ADAR: variants seen among roughly 807,000 people sequenced by gnomAD.
ADAR encodes the protein adenosine deaminase RNA specific, also known as double-stranded RNA-specific adenosine deaminase.
A neutral mutation model predicts 113.2 loss-of-function variants in ADAR; 41 were observed. The ratio of observed to expected loss-of-function variants is 0.36; its 90% CI spans 0.28 to 0.47. The LOEUF (loss-of-function observed/expected upper bound fraction) is 0.47. Among genes scored for constraint, ADAR ranks in the 20% least tolerant of loss-of-function variants. The pLI is 1.00. For synonymous variants in ADAR, 605 were observed against 572.6 expected (o/e 1.06, Z -0.81); for missense variants, 1,242 against 1,540.9 (o/e 0.81, Z 3.25).
chr1:154,588,095 G>A, intron 11 of ADAR, 30 bp downstream of exon 11: 2 of 1,612,560 alleles, frequency 1.2e-6, no homozygotes, highest in South Asian at 1.1e-5. Flanking sequence ...AGCCTTTTGA[G>A]GAAAGGAGGC....
intron 2 of ADAR, chr1:154,600,590 C>T (rs1697803142): frequency 9.0e-6 from 2 of 222,564 alleles, no homozygotes; most frequent in South Asian, 1.3e-4. Context: ...TCTCCTGTCT[C>T]AGCTTCCTGA....
At position 154,596,984 on chromosome 1, in the gene ADAR, C is replaced by T. The variant is rs922443505; in HGVS notation, c.2091G>A (p.Met697Ile). The change falls in exon 6 of 15, where the codon ATG becomes ATA. Residue 697 changes from methionine (M) to isoleucine (I), a missense_variant. Met to Ile is a conservative substitution (Grantham distance 10). Around this residue, in one of 2 missense-constraint regions of ADAR, gnomAD observed 780 missense variants for 1,057.9 expected, o/e 0.74. Transcript: ENST00000368474. The part of the protein sequence containing the change: ...SMASDNQPEG[M>I]ISESLDNLES... ...CCAAGTTATCAAGTGACTCTGAGAT[C>T]ATACCTTCAGGCTAAAGGAGAATCC... 1.9e-6 allele frequency: 3 copies of T among 1,614,188 alleles called. No individual in the cohort carries two copies. The highest frequency in any genetic ancestry group is 1.3e-5 in the African/African-American group (1 of 75,042).
chr1:154,599,158 A>G (rs899062572), intron 2 of ADAR, among the ~76,000 whole-genome samples: 1 of 152,170 alleles, frequency 6.6e-6, no homozygotes, highest in African/African-American at 2.4e-5. Flanking sequence ...GCTATTTTCT[A>G]CATAACAAGG....
Position 154,584,708 on chromosome 1 carries a change from GAAAA to G in ADAR, c.*94_*97del. The G allele has an allele frequency of 1.8e-6, 2 of 1,099,562 alleles. No homozygotes were observed. Among genetic ancestry groups the G allele is most frequent in the Non-Finnish European group, 2.7e-6 (2 of 743,362 alleles). The allele number at this position is 1,099,562 out of a possible 1,614,324, so 68.1% of individuals were successfully genotyped here. ...ATGGCTTAAAAAGAAAAAAAAAGGA[GAAAA>G]AAAAATCCCCTGACCATGTGATGAG... On this transcript the variant is annotated 3_prime_UTR_variant, in exon 15 of 15. Coordinates refer to ENST00000368474, the MANE Select transcript of ADAR (RefSeq NM_001111.5).
intron 2 of ADAR, among the ~76,000 whole-genome samples, chr1:154,599,958 G>T (rs983238335): frequency 2.6e-5 from 4 of 152,194 alleles, no homozygotes; most frequent in Non-Finnish European, 5.9e-5. Flanking sequence ...ATGCAGAGGG[G>T]GGATTGTGGA....
intron 6 of ADAR, among the ~76,000 whole-genome samples, chr1:154,593,393 G>C (rs545880898): frequency 5.9e-5 from 9 of 152,272 alleles, no homozygotes; most frequent in African/African-American, 2.2e-4. Flanking sequence ...CACCTCCAAT[G>C]GCACATTTCA....
rs1202622283 is a variant in ADAR at position 154,601,982 on chromosome 1, G to A, written c.660C>T (p.Ala220=). 2 of 1,614,064 alleles carry A rather than the reference G, an allele frequency of 1.2e-6. No individual in the cohort carries two copies. The highest frequency in any genetic ancestry group is 1.7e-6 in the Non-Finnish European group (2 of 1,180,018). The change falls in exon 2 of 15, where the codon GCC becomes GCT. Residue 220 remains alanine, a synonymous_variant. Transcript: ENST00000368474. This position sits in a 1 kb window ranked among gnomAD's most constrained non-coding sequence, Gnocchi z 4.7. ...VVRPDGHSQG[A]PNSDPSLEPE... ...GTTCCAAACTCGGGTCTGAGTTTGG[G>A]GCTCCTTGGCTATGACCGTCTGGTC...
intron 1 of ADAR, chr1:154,606,029 G>T: frequency 3.5e-6 from 3 of 848,704 alleles, no homozygotes; most frequent in Non-Finnish European, 4.3e-6. Context: ...CTTGTGAGAC[G>T]GAGTCTCGCT....
upstream of ADAR, chr1:154,608,309 C>CTT: frequency 2.2e-6 from 1 of 462,494 alleles, no homozygotes; most frequent in Non-Finnish European, 3.8e-6. Flanking sequence ...CCCTCCGCTG[C>CTT]ATGAGAACTA....
intron 1 of ADAR, among the ~76,000 whole-genome samples, chr1:154,619,608 G>C (rs991582397): frequency 2.0e-5 from 3 of 152,044 alleles, no homozygotes; most frequent in Non-Finnish European, 2.9e-5. Flanking sequence ...AAAATAAGAA[G>C]AGGAAGGTTA....
At position 154,582,690 on chromosome 1, in the gene ADAR, A is replaced by C. The variant is rs1281251410; in HGVS notation, c.*2116T>G. 2 of 152,422 alleles carry C rather than the reference A, an allele frequency of 1.3e-5. No individual in the cohort carries two copies. Among genetic ancestry groups the C allele is most frequent in the Non-Finnish European group, 2.9e-5 (2 of 68,232 alleles). The allele number at this position is 152,422 out of a possible 1,614,324, so 9.4% of individuals were successfully genotyped here. A position where few individuals can be genotyped will look rare whatever the true frequency, so the allele number is the denominator to read the frequency against. On this transcript the variant is annotated 3_prime_UTR_variant, in exon 15 of 15. Transcript: ENST00000368474. ...TGGCCAGAGCTCTGCTGGAGAACCT[A>C]ATGCCCAAGATGGACCAGAGAGGCC...
At position 154,596,790 on chromosome 1, in the gene ADAR, G is replaced by T; in HGVS notation, c.2270+15C>A. ...AACTGGTGACACATGCATTAGCCAG[G>T]ACTAGGACACTCACTTGGGCTCGTG... On this transcript the variant is annotated intron_variant, in intron 6 of 14. Coordinates refer to ENST00000368474, the MANE Select transcript of ADAR (RefSeq NM_001111.5). 6.2e-7 allele frequency: 1 copy of T among 1,612,360 alleles called. No homozygotes were observed. The highest frequency in any genetic ancestry group is 1.1e-5 in the South Asian group (1 of 90,970).
intron 1 of ADAR, among the ~76,000 whole-genome samples, 178 bp downstream of exon 1, chr1:154,607,814 C>T (rs1293658278): frequency 6.6e-6 from 1 of 151,704 alleles, no homozygotes; most frequent in African/African-American, 2.4e-5. Flanking sequence ...CACACACCCA[C>T]ACACACACAC....
intron 13 of ADAR, 189 bp from the exon 14 acceptor site, chr1:154,585,533 C>A: frequency 1.1e-6 from 1 of 950,856 alleles, no homozygotes; most frequent in Non-Finnish European, 1.6e-6. Context: ...AGATTAATTC[C>A]AGACTAAGAG....
At chr1:154,626,430 AC>A (rs544424193) in intron 1 of ADAR, among the ~76,000 whole-genome samples, 55 of 152,232 alleles carry the variant, frequency 3.6e-4, no homozygotes, top group African/African-American at 1.3e-3. Context: ...TGAGATCTTC[AC>A]CTCTTTGCAG....
rs1161647155 is a variant in ADAR, at chr1:154,601,471, T to C, written c.1171A>G (p.Thr391Ala). The change falls in exon 2 of 15, where the codon ACC becomes GCC. Residue 391 changes from threonine (T) to alanine (A), a missense_variant. Thr to Ala is a moderately conservative substitution (Grantham distance 58, BLOSUM62 0). Transcript: ENST00000368474. The surrounding 1 kb of genome is among the most constrained non-coding windows in gnomAD (Gnocchi z 4.7). ...PETKRNAEFL[T>A]CNIPTSNASN... is the part of the protein sequence containing the mutation. ...GCATTTGATGTGGGTATATTACAGG[T>C]GAGGAACTCTGCGTTTCTTTTGGTC... 3 of 1,614,086 alleles carry C rather than the reference T, an allele frequency of 1.9e-6. No homozygotes were observed. The East Asian group carries it at 6.7e-5, about 36-fold the overall frequency.
chr1:154,590,477 T>A, intron 6 of ADAR, 68 bp from the exon 7 acceptor site: 1 of 1,503,778 alleles, frequency 6.6e-7, no homozygotes, highest in Non-Finnish European at 9.3e-7. Context: ...GAAGGGTTAG[T>A]TTTGCTGAAG....
chr1:154,613,090 T>TTC (rs1338284303), upstream of ADAR, among the ~76,000 whole-genome samples: 3 of 150,284 alleles, frequency 2.0e-5, no homozygotes, highest in Non-Finnish European at 4.4e-5. Flanking sequence ...GGATTACAGG[T>TTC]GTGAGCCACT....
chr1:154,627,522 G>A (rs1338209073), intron 1 of ADAR, among the ~76,000 whole-genome samples: 1 of 152,014 alleles, frequency 6.6e-6, no homozygotes, highest in African/African-American at 2.4e-5. Context: ...TTGGTACCCA[G>A]CTGTTGGGCC....
Sources: allele counts gnomAD v4.1 joint callset (sites outside exome capture counted in the v4.1 genomes callset), GRCh38; gene constraint gnomAD v4.1.1; regional missense constraint gnomAD v4.1.1; non-coding constraint Gnocchi (gnomAD v3.1); transcripts MANE v1.5; gene names NCBI Gene and HGNC (gene_info 2026-07-23, HGNC 2026-07-21).